TMEM120B: variants seen among roughly 807,000 people sequenced by gnomAD.
TMEM120B encodes transmembrane protein 120B.
In TMEM120B, 31 loss-of-function variants were observed where a neutral mutation model predicts 55.5. The ratio of observed to expected loss-of-function variants is 0.56; its 90% CI spans 0.42 to 0.75. TMEM120B has a LOEUF of 0.75. TMEM120B is among the 30% of genes least tolerant of loss of function. TMEM120B has a pLI of 0.00. For synonymous variants in TMEM120B, 203 were observed against 176.3 expected, an observed-to-expected ratio of 1.15 and a Z score of -1.20; for missense variants, 399 against 425.5, an observed-to-expected ratio of 0.94 and a Z score of 0.55.
At chr12:121,734,625 A>G (rs1001223406) in intron 1 of TMEM120B, among the ~76,000 whole-genome samples, 2 of 151,916 alleles carry the variant, frequency 1.3e-5, no homozygotes, top group African/African-American at 4.8e-5. Context: ...CTTTTAAAAA[A>G]TGGACAGGCT....
At chr12:121,717,987 A>G (rs967493145) in intron 1 of TMEM120B, among the ~76,000 whole-genome samples, 1 of 152,178 alleles carries the variant, frequency 6.6e-6, no homozygotes, top group Non-Finnish European at 1.5e-5. Flanking sequence ...GATTGTGCAG[A>G]AAAAGACACT....
chr12:121,725,349 A>AT (rs1041228621), intron 1 of TMEM120B, among the ~76,000 whole-genome samples: 1 of 152,124 alleles, frequency 6.6e-6, no homozygotes, highest in African/African-American at 2.4e-5. Context: ...GCTGCCTCCC[A>AT]TTTTTGGGTG....
In TMEM120B at chr12:121,776,852, A is replaced by AT. The variant is rs1308238515; in HGVS notation, c.*1131dup. On this transcript the variant is annotated 3_prime_UTR_variant, in exon 12 of 12. Coordinates refer to ENST00000449592, the MANE Select transcript of TMEM120B (RefSeq NM_001080825.2). ...GTTGCCTAGGCGGGAGTGCAGTGGC[A>AT]TCATAGGTCACTGTAGCCTCCGCCT... 1 of 150,986 alleles carries AT rather than the reference A, an allele frequency of 6.6e-6. No individual in the cohort carries two copies. The highest frequency in any genetic ancestry group is 2.4e-5 in the African/African-American group (1 of 40,912). 9.4% of individuals were successfully genotyped at this position (150,986 alleles called of 1,614,324 possible). A position where few individuals can be genotyped will look rare whatever the true frequency, so the allele number is the denominator to read the frequency against.
At chr12:121,726,405 G>A (rs1001470869) in intron 1 of TMEM120B, among the ~76,000 whole-genome samples, 6 of 150,418 alleles carry the variant, frequency 4.0e-5, no homozygotes, top group East Asian at 2.0e-4. Flanking sequence ...TGGTGAAACC[G>A]CGTCTCTACT....
In TMEM120B at chr12:121,778,014, G is replaced by C. The variant is rs1278733568; in HGVS notation, c.*2292G>C. On this transcript the variant is annotated 3_prime_UTR_variant, in exon 12 of 12. Coordinates refer to ENST00000449592, the MANE Select transcript of TMEM120B (RefSeq NM_001080825.2). ...AGCTGACGCCCCAGCACTGGGCCAG[G>C]GGGGCTGAGGCAGGAGATATGGGGA... 6.6e-6 allele frequency: 1 copy of C among 152,214 alleles called. No individual in the cohort carries two copies. The highest frequency in any genetic ancestry group is 1.5e-5 in the Non-Finnish European group (1 of 68,056). The allele number at this position is 152,214 out of a possible 1,614,324, so 9.4% of individuals were successfully genotyped here. A position where few individuals can be genotyped will look rare whatever the true frequency, so the allele number is the denominator to read the frequency against.
chr12:121,718,178 A>G (rs1241605737), intron 1 of TMEM120B, among the ~76,000 whole-genome samples: 1 of 152,170 alleles, frequency 6.6e-6, no homozygotes, highest in African/African-American at 2.4e-5. Context: ...AGATTATCCC[A>G]TTTAATCTAA....
At chr12:121,719,243 TAA>T (rs552247008) in intron 1 of TMEM120B, among the ~76,000 whole-genome samples, 3 of 144,788 alleles carry the variant, frequency 2.1e-5, no homozygotes, top group Admixed American at 6.9e-5. Flanking sequence ...GCTGGTAGTT[TAA>T]AAAAAAAAAA....
intron 1 of TMEM120B, among the ~76,000 whole-genome samples, chr12:121,728,319 C>G (rs1167697779): frequency 6.6e-6 from 1 of 151,598 alleles, no homozygotes; most frequent in Non-Finnish European, 1.5e-5. Flanking sequence ...GAAACCCTGC[C>G]TCTACTAAAA....
Position 121,773,545 on chromosome 12 carries a change from C to T in TMEM120B, c.772+32C>T, listed in dbSNP as rs568108427. 2.7e-5 allele frequency: 42 copies of T among 1,540,080 alleles called. 1 individual carries two copies. In the South Asian group the frequency reaches 4.8e-4, roughly 18 times the overall value. ...AGCTGGGCCTGGGTTGGAGCCGGGG[C>T]AGGTACTGGACCTGCCAGCTCCCCA... On this transcript the variant is annotated intron_variant, in intron 9 of 11. Coordinates refer to ENST00000449592, the MANE Select transcript of TMEM120B (RefSeq NM_001080825.2).
intron 4 of TMEM120B, among the ~76,000 whole-genome samples, chr12:121,751,862 GTC>G (rs1873341009): frequency 6.6e-6 from 1 of 152,202 alleles, no homozygotes; most frequent in Non-Finnish European, 1.5e-5. Context: ...AAGAGGCCCT[GTC>G]TCTGCCCCCT....
chr12:121,759,648 A>C (rs567157948), intron 5 of TMEM120B, among the ~76,000 whole-genome samples: 4 of 152,080 alleles, frequency 2.6e-5, no homozygotes, highest in African/African-American at 9.6e-5. Context: ...ATTGCACTCC[A>C]GCCTGGGTGA....
intron 1 of TMEM120B, among the ~76,000 whole-genome samples, chr12:121,732,935 C>T (rs539439222): frequency 8.0e-5 from 12 of 149,968 alleles, no homozygotes; most frequent in African/African-American, 2.5e-4. Context: ...GCCGAGGTCG[C>T]GCCACTGCAC....
chr12:121,748,294 C>G (rs550840136), intron 2 of TMEM120B, 32 bp from the exon 3 acceptor site: 1 of 1,564,740 alleles, frequency 6.4e-7, no homozygotes, highest in South Asian at 1.1e-5. Context: ...TGAGTGACGC[C>G]CCTTCCCCTG....
chr12:121,713,084 C>T, intron 1 of TMEM120B, 120 bp downstream of exon 1: 1 of 775,958 alleles, frequency 1.3e-6, no homozygotes. Flanking sequence ...CCCGGAGAGG[C>T]CCTGGGGGCG....
intron 1 of TMEM120B, among the ~76,000 whole-genome samples, chr12:121,731,772 A>G (rs1382616230): frequency 6.6e-6 from 1 of 152,244 alleles, no homozygotes; most frequent in Non-Finnish European, 1.5e-5. Flanking sequence ...AAAATGATTA[A>G]GAGGATAAAT....
At chr12:121,720,151 G>A (rs2720028) in intron 1 of TMEM120B, among the ~76,000 whole-genome samples, 142,297 of 152,224 alleles carry the variant, frequency 0.93, 66,641 homozygotes, top group Middle Eastern at 0.99. Context: ...ATCTGAACTC[G>A]GGCAACTTGA....
intron 9 of TMEM120B, among the ~76,000 whole-genome samples, chr12:121,774,379 A>G (rs2137413184): frequency 6.6e-6 from 1 of 152,362 alleles, no homozygotes; most frequent in African/African-American, 2.4e-5. Context: ...AACCCTGTGC[A>G]GATTAAAGAA....
rs375454600 is a variant in TMEM120B, at chr12:121,771,958, C to T, written c.679+409C>T. ...CTTGAATGCTTGGGGACAGGGAGAG[C>T]GTCTTACTTTTCACCAACCTGTTTG... On this transcript the variant is annotated intron_variant, in intron 8 of 11. Transcript: ENST00000449592. Among the ~76,000 whole-genome samples the T allele has an allele frequency of 1.7e-4, 26 of 152,252 alleles. No individual in the cohort carries two copies. In the South Asian group the frequency reaches 4.4e-3, roughly 26 times the overall value.
At chr12:121,713,601 CCTT>C (rs1178443726) in intron 1 of TMEM120B, among the ~76,000 whole-genome samples, 1 of 152,178 alleles carries the variant, frequency 6.6e-6, no homozygotes, top group Non-Finnish European at 1.5e-5. Context: ...CCAGCTCTAT[CCTT>C]CTGGCCCGGA....
Sources: allele counts gnomAD v4.1 joint callset (sites outside exome capture counted in the v4.1 genomes callset), GRCh38; gene constraint gnomAD v4.1.1; transcripts MANE v1.5; gene names NCBI Gene and HGNC (gene_info 2026-07-23, HGNC 2026-07-21).